CYP11A1: variants seen among roughly 807,000 people sequenced by gnomAD.
CYP11A1 encodes the protein cholesterol side-chain cleavage enzyme, mitochondrial.
A neutral mutation model predicts 51.9 loss-of-function variants in CYP11A1; 25 were observed. The ratio of observed to expected loss-of-function variants is 0.48; its 90% CI spans 0.35 to 0.67. The LOEUF (loss-of-function observed/expected upper bound fraction) is 0.67, where lower values mean the gene tolerates loss of function less well. Among genes scored for constraint, CYP11A1 ranks in the 30% least tolerant of loss-of-function variants. CYP11A1 has a pLI of 0.00. For synonymous variants in CYP11A1, 245 were observed against 262.1 expected (o/e 0.93, Z 0.63); for missense variants, 578 against 680.9 (o/e 0.85, Z 1.68).
intron 1 of CYP11A1, chr15:74,362,565 T>A (rs1315364313): frequency 6.5e-6 from 1 of 154,004 alleles, no homozygotes; most frequent in Non-Finnish European, 1.4e-5. Flanking sequence ...GGGTTCATAA[T>A]CTCACAACTG....
At position 74,366,077 on chromosome 15, in the gene CYP11A1, C is replaced by G. The variant is rs1222554627; in HGVS notation, c.269+1240G>C. 2.0e-5 allele frequency: 20 copies of G among 985,380 alleles called. No homozygotes were observed. In the Admixed American group the frequency reaches 1.2e-3, roughly 61 times the overall value. The allele number at this position is 985,380 out of a possible 1,614,324, so 61.0% of individuals were successfully genotyped here. On this transcript the variant is annotated intron_variant, in intron 1 of 8. Coordinates refer to ENST00000268053, the MANE Select transcript of CYP11A1 (RefSeq NM_000781.3). ...GGGGGCGGATGGGCTCGGGCTGTGT[C>G]GAGGGGAGGCGGAGGTGAGCGACCC...
At chr15:74,363,969 A>C (rs2060719943) in intron 1 of CYP11A1, 1 of 152,242 alleles carries the variant, frequency 6.6e-6, no homozygotes. Context: ...CCAAGACTTT[A>C]AGGAAACACA....
chr15:74,339,908 A>T (rs1319624775), intron 5 of CYP11A1, among the ~76,000 whole-genome samples, 155 bp from the exon 6 acceptor site: 2 of 152,160 alleles, frequency 1.3e-5, no homozygotes, highest in East Asian at 3.8e-4. Context: ...AGAGCAAAAC[A>T]CATTCCATTG....
intron 5 of CYP11A1, 151 bp downstream of exon 5, chr15:74,342,826 T>C: frequency 1.3e-6 from 1 of 764,996 alleles, no homozygotes. Context: ...CTTAGGAGAT[T>C]AGCGCTTTGG....
chr15:74,339,693 T>C lies in CYP11A1; in HGVS notation c.1051A>G (p.Met351Val), dbSNP rs1207956071. ...EMARNLKVQD[M>V]LRAEVLAARH... ...GCAGCCAAGACCTCTGCCCGCAGCATATCCTGCACCTTCAGGTTGCGTGCC... is the reference window on the plus strand; with the variant it reads ...GCAGCCAAGACCTCTGCCCGCAGCACATCCTGCACCTTCAGGTTGCGTGCC... Residue 351 changes from methionine (M) to valine (V), a missense_variant, in exon 6 of 9, where the codon ATG becomes GTG. Coordinates refer to ENST00000268053, the MANE Select transcript of CYP11A1 (RefSeq NM_000781.3). The C allele has an allele frequency of 6.2e-7, 1 of 1,614,118 alleles. No homozygotes were observed. The highest frequency in any genetic ancestry group is 2.2e-5 in the East Asian group (1 of 44,870).
At position 74,348,025 on chromosome 15, in the gene CYP11A1, A is replaced by G; in HGVS notation, c.300T>C (p.Tyr100=). 6.2e-7 allele frequency: 1 copy of G among 1,614,210 alleles called. No homozygotes were observed. The highest frequency in any genetic ancestry group is 8.5e-7 in the Non-Finnish European group (1 of 1,180,028). Residue 100 remains tyrosine, a synonymous_variant, in exon 2 of 9, where the codon TAT becomes TAC. Transcript: ENST00000268053. ...GGGCCACATCTTCAGGGTCGATGAC[A>G]TAAACCGACTCCACGTTGCCGAGCT... The part of the protein sequence containing the change: ...REKLGNVESV[Y]VIDPEDVALL...
intron 1 of CYP11A1, chr15:74,361,256 A>G (rs2060707580): frequency 5.5e-6 from 1 of 181,960 alleles, no homozygotes; most frequent in Non-Finnish European, 1.2e-5. Context: ...TCTTTAGGTT[A>G]TATTTTTGTG....
At chr15:74,359,780 C>A (rs1191219940) in intron 1 of CYP11A1, among the ~76,000 whole-genome samples, 1 of 152,124 alleles carries the variant, frequency 6.6e-6, no homozygotes, top group Non-Finnish European at 1.5e-5. Context: ...CAGGGACACG[C>A]GTGAAAGAGA....
intron 4 of CYP11A1, 36 bp downstream of exon 4, chr15:74,343,753 C>T: frequency 6.3e-7 from 1 of 1,582,104 alleles, no homozygotes; most frequent in Non-Finnish European, 8.7e-7. Context: ...AGGCCTGGGG[C>T]TCCGAGGAGG....
intron 1 of CYP11A1, among the ~76,000 whole-genome samples, chr15:74,348,531 T>C (rs1364952667): frequency 6.6e-6 from 1 of 152,182 alleles, no homozygotes; most frequent in East Asian, 1.9e-4. Flanking sequence ...AGGTAGGCCA[T>C]ATTCCAGGCC....
intron 5 of CYP11A1, 47 bp downstream of exon 5, chr15:74,342,930 A>G (rs1484069097): frequency 3.1e-6 from 5 of 1,603,162 alleles, no homozygotes; most frequent in Non-Finnish European, 4.3e-6. Flanking sequence ...GGGAAGGGGC[A>G]CGTGGGCACA....
At chr15:74,354,146 T>A (rs2060667109) in intron 1 of CYP11A1, among the ~76,000 whole-genome samples, 1 of 152,218 alleles carries the variant, frequency 6.6e-6, no homozygotes, top group Non-Finnish European at 1.5e-5. Flanking sequence ...GGAGAGAATG[T>A]CAGGCCTCTG....
rs754698583 is a variant in CYP11A1 at position 74,338,085 on chromosome 15, C to T, written c.1453G>A (p.Val485Ile). The change falls in exon 9 of 9, where the codon GTT (valine) becomes ATT (isoleucine). Residue 485 changes from valine (V) to isoleucine (I), a missense_variant. Physicochemically the swap from Val to Ile is conservative, Grantham distance 29. Transcript: ENST00000268053. ...FLINMLENFR[V>I]EIQHLSDVGT... ...ACATCGCTGAGGTGTTGGATTTCAACTCTGAAGTTCTCCAGCATCTGAGAA... is the reference window on the plus strand; with the variant it reads ...ACATCGCTGAGGTGTTGGATTTCAATTCTGAAGTTCTCCAGCATCTGAGAA... 6.2e-7 allele frequency: 1 copy of T among 1,614,170 alleles called. No individual in the cohort carries two copies. Among genetic ancestry groups the T allele is most frequent in the African/African-American group, 1.3e-5 (1 of 75,034 alleles).
At chr15:74,352,245 TTA>T (rs1253569657) in intron 1 of CYP11A1, among the ~76,000 whole-genome samples, 2 of 151,740 alleles carry the variant, frequency 1.3e-5, no homozygotes, top group African/African-American at 4.8e-5. Context: ...TGTTTGAATT[TTA>T]TGTTTGTCTT....
intron 1 of CYP11A1, among the ~76,000 whole-genome samples, chr15:74,356,918 T>A (rs1395163107): frequency 6.6e-6 from 1 of 152,188 alleles, no homozygotes; most frequent in South Asian, 2.1e-4. Context: ...AATGCTAATA[T>A]CCTATCCCAC....
chr15:74,366,191 G>T, intron 1 of CYP11A1: 1 of 985,484 alleles, frequency 1.0e-6, no homozygotes, highest in East Asian at 1.1e-4. Context: ...GCGCTGGGAG[G>T]AATGCTGGGT....
chr15:74,337,975 C>T lies in CYP11A1; in HGVS notation c.1563G>A (p.Gln521=), dbSNP rs183788628. ...GGCTGCAGGCCATCCTCTCTGATCA[C>T]TGCTGGGTTGCTTCCTGGTTAAAGG... The part of the protein sequence containing the change: ...FWPFNQEATQ[Q] Residue 521 remains glutamine (Q), a synonymous_variant, in exon 9 of 9, where the codon CAG becomes CAA. Coordinates refer to ENST00000268053, the MANE Select transcript of CYP11A1 (RefSeq NM_000781.3). The T allele has an allele frequency of 1.9e-6, 3 of 1,613,962 alleles. No homozygotes were observed. The highest frequency in any genetic ancestry group is 2.5e-6 in the Non-Finnish European group (3 of 1,180,030).
chr15:74,338,522 TA>T, intron 8 of CYP11A1, 48 bp downstream of exon 8: 1 of 1,589,876 alleles, frequency 6.3e-7, no homozygotes, highest in Non-Finnish European at 8.6e-7. Flanking sequence ...GTGCCTTCAT[TA>T]GGGCCAGGGC....
At chr15:74,360,530 C>G (rs987934343) in intron 1 of CYP11A1, among the ~76,000 whole-genome samples, 4 of 151,602 alleles carry the variant, frequency 2.6e-5, no homozygotes, top group Admixed American at 6.6e-5. Flanking sequence ...ATGATCCACC[C>G]GCCTCGGCCT....
Sources: gnomAD v4.1 joint callset for allele counts (sites outside exome capture counted in the v4.1 genomes callset) on GRCh38, gnomAD v4.1.1 for gene constraint, MANE v1.5 for transcripts, NCBI Gene and HGNC (gene_info 2026-07-23, HGNC 2026-07-21) for gene names.